The following SMYD3 variants were observed in gnomAD, a reference collection of about 807,000 sequenced individuals.
The protein encoded by SMYD3 is SET and MYND domain containing 3.
Under a neutral mutation model 57.7 loss-of-function variants are expected in SMYD3, and 36 were observed. The observed-to-expected ratio is 0.62, with a 90% CI of 0.48 to 0.82. The LOEUF (loss-of-function observed/expected upper bound fraction) is 0.82. Among genes scored for constraint, SMYD3 ranks in the 40% least tolerant of loss-of-function variants. SMYD3 has a pLI of 0.00. For synonymous variants in SMYD3, 211 were observed against 195.0 expected (o/e 1.08, Z -0.68); for missense variants, 515 against 538.8 (o/e 0.96, Z 0.44).
chr1:245,863,428 C>A (rs1468410811), intron 9 of SMYD3, among the ~76,000 whole-genome samples: 1 of 152,116 alleles, frequency 6.6e-6, no homozygotes, highest in Non-Finnish European at 1.5e-5. Context: ...GTCAATGGCA[C>A]TGAATGATAA....
At chr1:245,825,845 G>T (rs2049453595) in intron 10 of SMYD3, among the ~76,000 whole-genome samples, 1 of 150,226 alleles carries the variant, frequency 6.7e-6, no homozygotes, top group East Asian at 2.0e-4. Context: ...GAAGAATTAA[G>T]TAACTTGCCC....
chr1:246,072,459 A>G (rs889058279), intron 5 of SMYD3, among the ~76,000 whole-genome samples: 1 of 152,094 alleles, frequency 6.6e-6, no homozygotes, highest in African/African-American at 2.4e-5. Flanking sequence ...GTGTGGATGA[A>G]TCGTGTTAGT....
At chr1:246,294,340 T>G (rs2064753763) in intron 5 of SMYD3, among the ~76,000 whole-genome samples, 1 of 152,194 alleles carries the variant, frequency 6.6e-6, no homozygotes, top group African/African-American at 2.4e-5. Flanking sequence ...CTTTAGCAAA[T>G]TCTAATTTCT....
intron 1 of SMYD3, among the ~76,000 whole-genome samples, chr1:246,504,411 G>A (rs1042781561): frequency 2.0e-5 from 3 of 152,158 alleles, no homozygotes; most frequent in Non-Finnish European, 2.9e-5. Context: ...GCGTGTTACT[G>A]TACTGAATAC....
intron 8 of SMYD3, among the ~76,000 whole-genome samples, chr1:245,868,931 C>G (rs2052026058): frequency 6.6e-6 from 1 of 152,178 alleles, no homozygotes; most frequent in African/African-American, 2.4e-5. Flanking sequence ...CTTAGGGAAG[C>G]ATAATTTTAA....
At chr1:246,248,955 C>T (rs1464526853) in intron 5 of SMYD3, among the ~76,000 whole-genome samples, 3 of 151,180 alleles carry the variant, frequency 2.0e-5, no homozygotes, top group Admixed American at 2.0e-4. Flanking sequence ...CGTGCCCAGC[C>T]GCTCTCTGAC....
intron 1 of SMYD3, among the ~76,000 whole-genome samples, chr1:246,482,389 T>C (rs2068122892): frequency 6.6e-6 from 1 of 152,214 alleles, no homozygotes; most frequent in Admixed American, 6.5e-5. Flanking sequence ...TAAATTGATT[T>C]ATCATGTGTC....
intron 5 of SMYD3, among the ~76,000 whole-genome samples, chr1:246,258,419 A>T (rs2063938375): frequency 1.3e-5 from 2 of 152,196 alleles, no homozygotes; most frequent in South Asian, 4.1e-4. Flanking sequence ...TAGTGGTAAC[A>T]AATTCCCTTA....
At chr1:246,390,232 A>G (rs866513938) in intron 1 of SMYD3, among the ~76,000 whole-genome samples, 30 of 130,110 alleles carry the variant, frequency 2.3e-4, no homozygotes, top group African/African-American at 1.1e-3. Context: ...AAAAAAAAAA[A>G]AAAAAAAAAA....
intron 3 of SMYD3, among the ~76,000 whole-genome samples, chr1:246,334,155 C>A (rs2065504122): frequency 6.6e-6 from 1 of 152,064 alleles, no homozygotes; most frequent in Non-Finnish European, 1.5e-5. Context: ...CTGTGGAAAG[C>A]AGTTTGGAGA....
At chr1:245,817,245 C>A (rs940087200) in intron 10 of SMYD3, among the ~76,000 whole-genome samples, 6 of 144,486 alleles carry the variant, frequency 4.2e-5, no homozygotes, top group Non-Finnish European at 7.6e-5. Context: ...GACCCCTGAC[C>A]CCCGAGCAGC....
chr1:246,499,497 C>A (rs1227501047), intron 1 of SMYD3, among the ~76,000 whole-genome samples: 1 of 151,906 alleles, frequency 6.6e-6, no homozygotes, highest in Non-Finnish European at 1.5e-5. Flanking sequence ...CACTGTGTCA[C>A]CCAGGCTGGA....
chr1:246,053,076 A>AAT (rs1166503988), intron 5 of SMYD3: 1 of 152,200 alleles, frequency 6.6e-6, no homozygotes, highest in Non-Finnish European at 1.5e-5. Flanking sequence ...ATCTCTAAAA[A>AAT]ATAAAAATAA....
At chr1:245,933,156 C>T (rs2056819401) in intron 5 of SMYD3, among the ~76,000 whole-genome samples, 1 of 152,018 alleles carries the variant, frequency 6.6e-6, no homozygotes, top group Non-Finnish European at 1.5e-5. Flanking sequence ...GGAAATAAAG[C>T]CCAGAAATAA....
intron 5 of SMYD3, among the ~76,000 whole-genome samples, chr1:246,214,969 TTTTC>T (rs2063142530): frequency 6.6e-6 from 1 of 152,176 alleles, no homozygotes; most frequent in Non-Finnish European, 1.5e-5. Context: ...AAACACTTAA[TTTTC>T]TTTATTTATG....
At chr1:245,957,810 A>G (rs987834119) in intron 5 of SMYD3, among the ~76,000 whole-genome samples, 1 of 152,232 alleles carries the variant, frequency 6.6e-6, no homozygotes, top group African/African-American at 2.4e-5. Flanking sequence ...TGGAAAAGTC[A>G]TAACTTACCT....
intron 5 of SMYD3, among the ~76,000 whole-genome samples, chr1:246,266,604 T>G (rs2064112733): frequency 6.6e-6 from 1 of 152,118 alleles, no homozygotes; most frequent in African/African-American, 2.4e-5. Flanking sequence ...CTGAATACTC[T>G]CTGAATAGTC....
intron 1 of SMYD3, among the ~76,000 whole-genome samples, chr1:246,377,027 G>A (rs1478330222): frequency 6.6e-6 from 1 of 152,030 alleles, no homozygotes; most frequent in Non-Finnish European, 1.5e-5. Context: ...TTGAACCCGA[G>A]AGGCAGAGGT....
chr1:246,384,956 T>TA lies in SMYD3; in HGVS notation c.165-29863dup, dbSNP rs746372307. 1.4e-4 allele frequency among the ~76,000 whole-genome samples: 21 copies of TA among 152,202 alleles called. 1 individual carries two copies. The highest frequency in any genetic ancestry group is 1.9e-4 in the African/African-American group (8 of 41,456). On this transcript the variant is annotated intron_variant, in intron 1 of 11. Transcript: ENST00000490107. ...ACATTACATAATATTCTCTAGGACTTACGCAGTGATAAATACCTGACCAAA... is the reference window on the plus strand; with the variant it reads ...ACATTACATAATATTCTCTAGGACTTAACGCAGTGATAAATACCTGACCAAA...
Sources: allele counts gnomAD v4.1 joint callset (sites outside exome capture counted in the v4.1 genomes callset), GRCh38; gene constraint gnomAD v4.1.1; transcripts MANE v1.5; gene names NCBI Gene and HGNC (gene_info 2026-07-23, HGNC 2026-07-21).